The following NUDT21 variants were observed in gnomAD, a reference collection of about 807,000 sequenced individuals.
The protein encoded by NUDT21 is cleavage and polyadenylation specificity factor subunit 5.
NUDT21 carries 5 observed loss-of-function variants against 29.8 expected under a neutral mutation model. The observed-to-expected ratio is 0.17, with a 90% CI of 0.09 to 0.35. The LOEUF (loss-of-function observed/expected upper bound fraction) is 0.35. Among genes scored for constraint, NUDT21 ranks in the 10% least tolerant of loss-of-function variants. The pLI is 1.00. For missense variants in NUDT21, 76 were observed against 276.0 expected (o/e 0.28, Z 5.13); for synonymous variants, 113 against 98.5 (o/e 1.15, Z -0.87).
intron 4 of NUDT21, among the ~76,000 whole-genome samples, chr16:56,437,727 G>GTC (rs749736688): frequency 4.9e-4 from 75 of 152,038 alleles, no homozygotes; most frequent in Non-Finnish European, 5.9e-5. Flanking sequence ...GCTGCTTCTG[G>GTC]TCTCTCTCTC....
At chr16:56,450,068 G>C (rs2143948716) in intron 1 of NUDT21, among the ~76,000 whole-genome samples, 1 of 152,284 alleles carries the variant, frequency 6.6e-6, no homozygotes. Context: ...GGGAGACAAT[G>C]TCCGTTTATT....
chr16:56,449,573 T>A (rs1962255941), intron 1 of NUDT21, among the ~76,000 whole-genome samples: 1 of 152,212 alleles, frequency 6.6e-6, no homozygotes, highest in African/African-American at 2.4e-5. Flanking sequence ...ATAATTTTAA[T>A]AGAGCGAAGA....
At chr16:56,450,984 G>A (rs1395511654) in intron 1 of NUDT21, 103 bp downstream of exon 1, 3 of 874,216 alleles carry the variant, frequency 3.4e-6, no homozygotes, top group Non-Finnish European at 5.4e-6. Flanking sequence ...TTGGAGGCGG[G>A]GAGGTGCAGA....
rs146664785 is a variant in NUDT21, at chr16:56,435,313, G to A, written c.472-484C>T. The A allele has an allele frequency of 2.9e-3, 436 of 152,962 alleles. 2 individuals carry two copies. The highest frequency in any genetic ancestry group is 5.1e-3 in the Non-Finnish European group (348 of 68,690). 9.5% of individuals were successfully genotyped at this position (152,962 alleles called of 1,614,324 possible). A position where few individuals can be genotyped will look rare whatever the true frequency, so the allele number is the denominator to read the frequency against. On this transcript the variant is annotated intron_variant, in intron 4 of 6. Coordinates refer to ENST00000300291, the MANE Select transcript of NUDT21 (RefSeq NM_007006.3). ...TAATTTTGTATTTTTAGTAGAGGCA[G>A]GGTTTCTCCAGGCTAGTCTTGAACT...
At chr16:56,443,426 G>A (rs1359297152) in intron 3 of NUDT21, among the ~76,000 whole-genome samples, 1 of 152,072 alleles carries the variant, frequency 6.6e-6, no homozygotes, top group East Asian at 1.9e-4. Context: ...CACCCGCCTT[G>A]GCCTCCCCAA....
chr16:56,429,144 A>G lies in NUDT21; in HGVS notation c.*3568T>C, dbSNP rs1171132921. 1.3e-5 allele frequency: 2 copies of G among 152,224 alleles called. No individual in the cohort carries two copies. The highest frequency in any genetic ancestry group is 2.1e-4 in the South Asian group (1 of 4,834). 9.4% of individuals were successfully genotyped at this position (152,224 alleles called of 1,614,324 possible). A position where few individuals can be genotyped will look rare whatever the true frequency, so the allele number is the denominator to read the frequency against. The stretch of plus-strand genomic sequence containing the variant: ...CAATCACAGAGTCATTCTCTTTCAA[A>G]TATTTTTTATTGAAATGACAATAAA... On this transcript the variant is annotated 3_prime_UTR_variant, in exon 7 of 7. Coordinates refer to ENST00000300291, the MANE Select transcript of NUDT21 (RefSeq NM_007006.3).
intron 3 of NUDT21, among the ~76,000 whole-genome samples, chr16:56,444,776 C>A (rs1412205498): frequency 1.3e-5 from 2 of 152,148 alleles, no homozygotes; most frequent in Admixed American, 6.5e-5. Context: ...AGAGAATCAT[C>A]AGCCAGTCTT....
chr16:56,444,990 C>G (rs935125617), intron 3 of NUDT21, among the ~76,000 whole-genome samples: 2 of 152,122 alleles, frequency 1.3e-5, no homozygotes, highest in African/African-American at 4.8e-5. Flanking sequence ...TCTAGACCAG[C>G]CTGGTCAACA....
rs1962029088 is a variant in NUDT21, at chr16:56,431,114, A to G, written c.*1598T>C. Reference sequence around the variant, plus strand: ...AAAAGCAATCATGGAAGGTGAGCTGAATCAATCCATCTTCATATCCACTTC... The same window carrying G: ...AAAAGCAATCATGGAAGGTGAGCTGGATCAATCCATCTTCATATCCACTTC... On this transcript the variant is annotated 3_prime_UTR_variant, in exon 7 of 7. Coordinates refer to ENST00000300291, the MANE Select transcript of NUDT21 (RefSeq NM_007006.3). 1 of 152,252 alleles carries G rather than the reference A, an allele frequency of 6.6e-6. No individual in the cohort carries two copies. Among genetic ancestry groups the G allele is most frequent in the African/African-American group, 2.4e-5 (1 of 41,460 alleles). The allele number at this position is 152,252 out of a possible 1,614,324, so 9.4% of individuals were successfully genotyped here. A position where few individuals can be genotyped will look rare whatever the true frequency, so the allele number is the denominator to read the frequency against.
chr16:56,439,730 T>TCCTGA lies in NUDT21; in HGVS notation c.393_397dup (p.Asp133ValfsTer64). 1 of 1,613,892 alleles carries TCCTGA rather than the reference T, an allele frequency of 6.2e-7. No individual in the cohort carries two copies. On this transcript the variant is annotated frameshift_variant, in exon 4 of 7. Coordinates refer to ENST00000300291, the MANE Select transcript of NUDT21 (RefSeq NM_007006.3). LOFTEE classifies it high-confidence loss of function. ...AATGACCCAGTCTTGCAAAACTCCA[T>TCCTGA]CCTGACGACCCAGTATCTGTCAAAA...
At chr16:56,438,065 T>C (rs751295431) in intron 4 of NUDT21, among the ~76,000 whole-genome samples, 3 of 152,192 alleles carry the variant, frequency 2.0e-5, no homozygotes, top group Non-Finnish European at 2.9e-5. Context: ...ACTATACCAA[T>C]TGTGATAGAC....
intron 3 of NUDT21, among the ~76,000 whole-genome samples, chr16:56,444,635 A>C (rs1054811665): frequency 6.6e-6 from 1 of 151,116 alleles, no homozygotes; most frequent in Admixed American, 6.6e-5. Context: ...AAAAAAAAAA[A>C]CAAGCCTAAT....
chr16:56,443,423 C>CA (rs1962182262), intron 3 of NUDT21, among the ~76,000 whole-genome samples: 1 of 152,172 alleles, frequency 6.6e-6, no homozygotes, highest in Non-Finnish European at 1.5e-5. Flanking sequence ...ATCCACCCGC[C>CA]TTGGCCTCCC....
chr16:56,446,692 G>A lies in NUDT21; in HGVS notation c.318-3C>T. On this transcript the variant is annotated splice_polypyrimidine_tract_variant and splice_region_variant and intron_variant, in intron 2 of 6. Coordinates refer to ENST00000300291, the MANE Select transcript of NUDT21 (RefSeq NM_007006.3). ...CTGGGTTAAGTTCACCACCAGGTCT[G>A]TATAAAAGTTAAGAATTTCAGCTTT... 1 of 1,578,442 alleles carries A rather than the reference G, an allele frequency of 6.3e-7. No homozygotes were observed. Among genetic ancestry groups the A allele is most frequent in the Non-Finnish European group, 8.6e-7 (1 of 1,157,804 alleles).
intron 6 of NUDT21, 41 bp from the exon 7 acceptor site, chr16:56,432,774 C>T: frequency 7.2e-7 from 1 of 1,390,754 alleles, no homozygotes; most frequent in Non-Finnish European, 1.0e-6. Flanking sequence ...AAAGACAGTA[C>T]ATACTACTTT....
At chr16:56,440,780 C>A (rs185251176) in intron 3 of NUDT21, among the ~76,000 whole-genome samples, 3 of 152,204 alleles carry the variant, frequency 2.0e-5, no homozygotes, top group Admixed American at 2.0e-4. Flanking sequence ...TGCTCATTGC[C>A]CAGGCTGGAG....
In NUDT21 at chr16:56,431,440, C is replaced by T. The variant is rs144028906; in HGVS notation, c.*1272G>A. On this transcript the variant is annotated 3_prime_UTR_variant, in exon 7 of 7. Transcript: ENST00000300291. ...AGTGTTTATTAATTGCTCAGCTACA[C>T]TTGGCCTGATTTCCTCAAGTATCAT... is the stretch of plus-strand genomic sequence containing the variant. The T allele has an allele frequency of 6.3e-4, 96 of 152,322 alleles. No individual in the cohort carries two copies. Among genetic ancestry groups the T allele is most frequent in the African/African-American group, 2.2e-3 (93 of 41,566 alleles). 9.4% of individuals were successfully genotyped at this position (152,322 alleles called of 1,614,324 possible). A position where few individuals can be genotyped will look rare whatever the true frequency, so the allele number is the denominator to read the frequency against.
intron 3 of NUDT21, among the ~76,000 whole-genome samples, chr16:56,440,290 C>T (rs1256122527): frequency 2.0e-5 from 3 of 152,202 alleles, no homozygotes; most frequent in African/African-American, 4.8e-5. Flanking sequence ...ACAGTTTCCC[C>T]GACTGTTAAC....
intron 4 of NUDT21, among the ~76,000 whole-genome samples, chr16:56,437,210 G>A (rs758059741): frequency 9.9e-5 from 15 of 152,090 alleles, no homozygotes; most frequent in Non-Finnish European, 1.9e-4. Context: ...AGAAAAGAAC[G>A]ATCTTTTGCT....
Sources: allele counts gnomAD v4.1 joint callset (sites outside exome capture counted in the v4.1 genomes callset), GRCh38; gene constraint gnomAD v4.1.1; transcripts MANE v1.5; gene names NCBI Gene and HGNC (gene_info 2026-07-23, HGNC 2026-07-21).